ZNF469: variants seen among roughly 807,000 people sequenced by gnomAD.
ZNF469 encodes the protein zinc finger protein 469.
In ZNF469, 1 loss-of-function variant was observed where a neutral mutation model predicts 1.0. The ratio of observed to expected loss-of-function variants is 1.00; its 90% CI spans 0.35 to 4.73. The LOEUF (loss-of-function observed/expected upper bound fraction) is 4.73. ZNF469 is among the 30% of genes most tolerant of loss of function. The pLI is 0.16. For synonymous variants in ZNF469, 2,703 were observed against 2,363.4 expected (o/e 1.14, Z -4.17); for missense variants, 6,100 against 5,356.3 (o/e 1.14, Z -4.33).
At chr16:88,142,234 G>A in the ZNF469 span, among the ~76,000 whole-genome samples, 3 of 152,300 alleles carry the variant, frequency 2.0e-5, no homozygotes, top group South Asian at 2.1e-4. Flanking sequence ...CCGGCTGGGC[G>A]GGGGGTCTGG....
the ZNF469 span, among the ~76,000 whole-genome samples, chr16:88,189,459 G>A: frequency 2.6e-5 from 4 of 152,328 alleles, no homozygotes; most frequent in East Asian, 3.9e-4. The surrounding 1 kb of genome is among the most constrained non-coding windows in gnomAD (Gnocchi z 4.3). Context: ...CTGGACATGC[G>A]TGTCTGCATG....
At chr16:88,260,477 C>A in the ZNF469 span, among the ~76,000 whole-genome samples, 1 of 152,298 alleles carries the variant, frequency 6.6e-6, no homozygotes, top group Non-Finnish European at 1.5e-5. The surrounding 1 kb of genome is among the most constrained non-coding windows in gnomAD (Gnocchi z 4.1). Context: ...GTGGTAGGTG[C>A]TGGTCTGGGT....
At chr16:88,290,947 G>T in the ZNF469 span, among the ~76,000 whole-genome samples, 1 of 152,188 alleles carries the variant, frequency 6.6e-6, no homozygotes, top group Admixed American at 6.5e-5. Context: ...CACAAAACCA[G>T]ATCGGAGCGC....
chr16:88,229,121 A>C, the ZNF469 span, among the ~76,000 whole-genome samples: 2 of 152,216 alleles, frequency 1.3e-5, no homozygotes, highest in Admixed American at 6.5e-5. Context: ...CTTCACTAAA[A>C]ATGAATCAAC....
the ZNF469 span, among the ~76,000 whole-genome samples, chr16:88,366,579 C>G: frequency 1.1e-4 from 5 of 47,182 alleles, no homozygotes; most frequent in African/African-American, 2.0e-4. Flanking sequence ...CCATCATCAC[C>G]TTCACCACCA....
chr16:88,377,614 C>T, the ZNF469 span, among the ~76,000 whole-genome samples: 17,816 of 152,048 alleles, frequency 0.12, 1,126 homozygotes, highest in Middle Eastern at 0.21. Context: ...GGCCCTGACA[C>T]TCCCTCCCTC....
At chr16:88,388,902 G>A (rs988064419) in intron 1 of ZNF469, among the ~76,000 whole-genome samples, 1 of 151,916 alleles carries the variant, frequency 6.6e-6, no homozygotes, top group African/African-American at 2.4e-5. Context: ...GCCAGGGCCA[G>A]TCTCCATACT....
intron 1 of ZNF469, among the ~76,000 whole-genome samples, chr16:88,414,422 G>A (rs947225727): frequency 2.0e-5 from 3 of 152,246 alleles, no homozygotes; most frequent in African/African-American, 7.2e-5. Flanking sequence ...CCACCCCAAA[G>A]AGCCCTGGGG....
the ZNF469 span, among the ~76,000 whole-genome samples, chr16:88,266,017 C>T: frequency 6.6e-6 from 1 of 152,272 alleles, no homozygotes; most frequent in African/African-American, 2.4e-5. Context: ...CCCCAACAAG[C>T]TTGAGCTGCC....
chr16:88,124,772 C>T, the ZNF469 span, among the ~76,000 whole-genome samples: 6 of 151,976 alleles, frequency 3.9e-5, no homozygotes, highest in Admixed American at 2.6e-4. Context: ...TTAGTAGAGA[C>T]GGGGTTTCTC....
the ZNF469 span, among the ~76,000 whole-genome samples, chr16:88,343,741 T>C: frequency 7.9e-5 from 12 of 152,022 alleles, no homozygotes; most frequent in African/African-American, 2.9e-4. Flanking sequence ...AACCCATGAA[T>C]CCATGAATGG....
chr16:88,221,327 A>G, the ZNF469 span, among the ~76,000 whole-genome samples: 1 of 152,200 alleles, frequency 6.6e-6, no homozygotes, highest in African/African-American at 2.4e-5. Context: ...GATAGCGCAG[A>G]GGAAATGCTT....
intron 1 of ZNF469, among the ~76,000 whole-genome samples, chr16:88,407,195 G>C (rs113749686): frequency 6.6e-6 from 1 of 150,706 alleles, no homozygotes; most frequent in African/African-American, 2.5e-5. Flanking sequence ...AGCTCCCAAA[G>C]GGGTGAGGTT....
chr16:88,437,592 C>T lies in ZNF469; in HGVS notation c.10122C>T (p.Tyr3374=). 1 of 1,538,398 alleles carries T rather than the reference C, an allele frequency of 6.5e-7. No homozygotes were observed. Among genetic ancestry groups the T allele is most frequent in the Non-Finnish European group, 8.8e-7 (1 of 1,138,278 alleles). ...TGTGCCCCCGGTGCCCCCGGGTCTA[C>T]CCCGAGCACGGGGAGCTGCTGGCAC... ...VYLCPRCPRV[Y]PEHGELLAHL... The change falls in exon 3 of 3, where the codon TAC becomes TAT. Residue 3374 remains tyrosine (Y), a synonymous_variant. Coordinates refer to ENST00000565624, the MANE Select transcript of ZNF469 (RefSeq NM_001367624.2).
At chr16:88,249,885 T>C in the ZNF469 span, among the ~76,000 whole-genome samples, 1 of 152,196 alleles carries the variant, frequency 6.6e-6, no homozygotes, top group Non-Finnish European at 1.5e-5. Context: ...TTCTAGATCA[T>C]GTGTGACTCC....
chr16:88,342,199 C>G, the ZNF469 span, among the ~76,000 whole-genome samples: 1 of 152,138 alleles, frequency 6.6e-6, no homozygotes, highest in African/African-American at 2.4e-5. Context: ...CGGTCTCCAC[C>G]TTGTCACTGC....
the ZNF469 span, among the ~76,000 whole-genome samples, chr16:88,227,860 G>C: frequency 6.6e-6 from 1 of 152,142 alleles, no homozygotes; most frequent in Non-Finnish European, 1.5e-5. Flanking sequence ...GGCGTTCCCC[G>C]GCACGCAGGT....
the ZNF469 span, among the ~76,000 whole-genome samples, chr16:88,139,676 T>G: frequency 0.48 from 62,936 of 130,162 alleles, 17,348 homozygotes; most frequent in Non-Finnish European, 0.69. Context: ...AAAATTGCTG[T>G]GAAAAGTGGA....
the ZNF469 span, chr16:88,100,999 G>A: frequency 1.1e-4 from 29 of 267,286 alleles, no homozygotes; most frequent in Non-Finnish European, 1.3e-4. Flanking sequence ...GCCGGGGCAC[G>A]GGGCAGCTGT....
Sources: allele counts gnomAD v4.1 joint callset (sites outside exome capture counted in the v4.1 genomes callset), GRCh38; gene constraint gnomAD v4.1.1; non-coding constraint Gnocchi (gnomAD v3.1); transcripts MANE v1.5; gene names NCBI Gene and HGNC (gene_info 2026-07-23, HGNC 2026-07-21).